The following GATAD1 variants were observed in gnomAD, a reference collection of about 807,000 sequenced individuals.
The protein encoded by GATAD1 is GATA zinc finger domain containing 1.
Under a neutral mutation model 26.5 loss-of-function variants are expected in GATAD1, and 12 were observed. That is an observed-to-expected ratio of 0.45 (90% confidence interval 0.29 to 0.73). The LOEUF is 0.73. Ranked by LOEUF, GATAD1 falls within the 30% of genes least tolerant of loss-of-function variation. GATAD1 has a pLI of 0.10. For missense variants in GATAD1, 266 were observed against 342.1 expected (o/e 0.78, Z 1.75); for synonymous variants, 129 against 133.1 (o/e 0.97, Z 0.21).
the GATAD1 span, among the ~76,000 whole-genome samples, chr7:92,484,945 T>A: frequency 6.7e-6 from 1 of 150,132 alleles, no homozygotes; most frequent in African/African-American, 2.5e-5. Context: ...GAAAAAGGAG[T>A]CAGCGAAGGG....
At chr7:92,481,320 T>C in the GATAD1 span, among the ~76,000 whole-genome samples, 37 of 152,146 alleles carry the variant, frequency 2.4e-4, no homozygotes, top group African/African-American at 8.4e-4. Context: ...ATGGTAATTG[T>C]GGGAGACTCA....
chr7:92,474,986 G>A, the GATAD1 span: 1 of 152,076 alleles, frequency 6.6e-6, no homozygotes, highest in East Asian at 1.9e-4. Flanking sequence ...TTATTAGTTG[G>A]GGAAGGAGTC....
At chr7:92,481,641 CAGGG>C in the GATAD1 span, among the ~76,000 whole-genome samples, 3 of 152,116 alleles carry the variant, frequency 2.0e-5, no homozygotes, top group African/African-American at 7.2e-5. Context: ...TGGGATGAGA[CAGGG>C]AGAGCTAGTG....
the GATAD1 span, chr7:92,487,553 AAG>A: frequency 7.4e-7 from 1 of 1,357,880 alleles, no homozygotes; most frequent in Admixed American, 1.7e-5. Context: ...TGAAAAAAGA[AAG>A]AGATAATTTA....
the GATAD1 span, chr7:92,469,997 C>T: frequency 2.6e-6 from 2 of 778,044 alleles, no homozygotes; most frequent in Non-Finnish European, 4.8e-6. Flanking sequence ...ACTTCTTTTA[C>T]ATGTTTTTCT....
the GATAD1 span, among the ~76,000 whole-genome samples, chr7:92,479,286 CA>C: frequency 6.6e-6 from 1 of 151,726 alleles, no homozygotes; most frequent in African/African-American, 2.4e-5. Context: ...GGGCTGAGTC[CA>C]AAAAAGGAGT....
chr7:92,491,083 C>A, the GATAD1 span, among the ~76,000 whole-genome samples: 1 of 152,150 alleles, frequency 6.6e-6, no homozygotes, highest in Non-Finnish European at 1.5e-5. Flanking sequence ...TGCTCCCAGC[C>A]CTGTCTTGAA....
the GATAD1 span, chr7:92,487,324 C>T: frequency 3.4e-6 from 2 of 584,272 alleles, no homozygotes; most frequent in South Asian, 2.2e-5. Flanking sequence ...TAGCATTTAC[C>T]AATCTGTGAT....
chr7:92,491,147 T>C, the GATAD1 span: 7 of 691,878 alleles, frequency 1.0e-5, no homozygotes, highest in Non-Finnish European at 1.6e-5. Context: ...AACAAGACTA[T>C]TTTACTGAAG....
the GATAD1 span, among the ~76,000 whole-genome samples, chr7:92,491,909 A>G: frequency 1.3e-5 from 2 of 152,186 alleles, no homozygotes; most frequent in Non-Finnish European, 2.9e-5. Flanking sequence ...AAGAACTTCA[A>G]TGGCTTGCCA....
At chr7:92,450,881 T>C in intron 3 of GATAD1, 121 bp downstream of exon 3, 1 of 616,956 alleles carries the variant, frequency 1.6e-6, no homozygotes, top group East Asian at 3.0e-5. Context: ...GATTATACTT[T>C]TTGTTCCCTT....
chr7:92,483,821 G>A, the GATAD1 span, among the ~76,000 whole-genome samples: 1 of 152,190 alleles, frequency 6.6e-6, no homozygotes, highest in African/African-American at 2.4e-5. Flanking sequence ...GGATTATAGG[G>A]TGGGGGAGCA....
At chr7:92,478,405 T>C in the GATAD1 span, among the ~76,000 whole-genome samples, 1 of 152,168 alleles carries the variant, frequency 6.6e-6, no homozygotes, top group Non-Finnish European at 1.5e-5. Context: ...TGAATTCATC[T>C]ATAGGATATA....
At chr7:92,485,079 G>A in the GATAD1 span, among the ~76,000 whole-genome samples, 1 of 152,156 alleles carries the variant, frequency 6.6e-6, no homozygotes, top group South Asian at 2.1e-4. Context: ...TTTTGAGCCA[G>A]GAGAAGGAAT....
chr7:92,469,639 T>C, the GATAD1 span: 39 of 764,272 alleles, frequency 5.1e-5, no homozygotes, highest in Non-Finnish European at 8.6e-5. Context: ...GCATTGGGAG[T>C]TGGTTGTGTA....
the GATAD1 span, among the ~76,000 whole-genome samples, chr7:92,491,856 G>T: frequency 1.3e-5 from 2 of 152,060 alleles, no homozygotes; most frequent in African/African-American, 2.4e-5. Flanking sequence ...TCATTATAGA[G>T]AGCTCTACAA....
chr7:92,448,157 ATT>A (rs1562816652), intron 1 of GATAD1, among the ~76,000 whole-genome samples, 179 bp downstream of exon 1: 1 of 152,222 alleles, frequency 6.6e-6, no homozygotes, highest in Non-Finnish European at 1.5e-5. Context: ...AGCACCTGTT[ATT>A]GTAAGAAATT....
intron 2 of GATAD1, chr7:92,449,374 G>C: frequency 1.0e-6 from 1 of 979,588 alleles, no homozygotes; most frequent in Non-Finnish European, 1.2e-6. Context: ...CAAAAATTTT[G>C]CTAAGCCTTA....
At chr7:92,452,930 A>C (rs1306720898) in intron 3 of GATAD1, among the ~76,000 whole-genome samples, 1 of 152,222 alleles carries the variant, frequency 6.6e-6, no homozygotes, top group Non-Finnish European at 1.5e-5. Flanking sequence ...ACATGTGGAC[A>C]AACAAACCAT....
Sources: allele counts gnomAD v4.1 joint callset (sites outside exome capture counted in the v4.1 genomes callset), GRCh38; gene constraint gnomAD v4.1.1; transcripts MANE v1.5; gene names NCBI Gene and HGNC (gene_info 2026-07-23, HGNC 2026-07-21).